DOCK2: variants seen among roughly 807,000 people sequenced by gnomAD.
DOCK2 encodes dedicator of cytokinesis protein 2.
A neutral mutation model predicts 248.9 loss-of-function variants in DOCK2; 87 were observed. The ratio of observed to expected loss-of-function variants is 0.35; its 90% confidence interval spans 0.29 to 0.42. The LOEUF (loss-of-function observed/expected upper bound fraction) is 0.42, where lower values mean the gene tolerates loss of function less well. DOCK2 is among the 10% of genes least tolerant of loss of function. DOCK2 has a pLI of 1.00. For synonymous variants in DOCK2, 805 were observed against 821.6 expected (o/e 0.98, Z 0.35); for missense variants, 1,747 against 2,300.2 (o/e 0.76, Z 4.92).
intron 5 of DOCK2, among the ~76,000 whole-genome samples, chr5:169,673,220 C>T (rs1759134456): frequency 6.6e-6 from 1 of 151,980 alleles, no homozygotes; most frequent in Admixed American, 6.6e-5. Context: ...ACCAGCCCCT[C>T]ATCCTGAAGC....
intron 22 of DOCK2, among the ~76,000 whole-genome samples, chr5:169,741,708 C>G (rs1409184395): frequency 2.0e-5 from 3 of 152,078 alleles, no homozygotes; most frequent in African/African-American, 7.2e-5. Context: ...TAGCGTCATC[C>G]CCTGGATAAC....
intron 21 of DOCK2, 115 bp downstream of exon 21, chr5:169,717,599 C>A: frequency 1.1e-6 from 1 of 900,102 alleles, no homozygotes; most frequent in Non-Finnish European, 1.8e-6. Flanking sequence ...GTGAGCTCTC[C>A]ATTCTCTAAC....
intron 26 of DOCK2, among the ~76,000 whole-genome samples, chr5:169,823,043 A>C (rs1768574734): frequency 6.6e-6 from 1 of 152,244 alleles, no homozygotes; most frequent in African/African-American, 2.4e-5. Flanking sequence ...ATTCCTCCAT[A>C]CATACACCCT....
chr5:170,064,672 G>A (rs1310866719), intron 44 of DOCK2, among the ~76,000 whole-genome samples: 2 of 145,370 alleles, frequency 1.4e-5, no homozygotes, highest in African/African-American at 5.3e-5. Context: ...AGAAGAGAGA[G>A]GGAGAAAGGA....
At chr5:169,829,537 A>G (rs1769092389) in intron 26 of DOCK2, among the ~76,000 whole-genome samples, 1 of 152,236 alleles carries the variant, frequency 6.6e-6, no homozygotes, top group South Asian at 2.1e-4. Context: ...CCATTTGTTC[A>G]TGTAGTTCAA....
intron 23 of DOCK2, among the ~76,000 whole-genome samples, chr5:169,750,661 G>C (rs1352533276): frequency 1.3e-5 from 2 of 152,180 alleles, no homozygotes; most frequent in Non-Finnish European, 2.9e-5. Flanking sequence ...TGTTCTCATA[G>C]ATTTCCACTC....
At chr5:169,847,329 T>A (rs1442777876) in intron 27 of DOCK2, among the ~76,000 whole-genome samples, 2 of 152,242 alleles carry the variant, frequency 1.3e-5, no homozygotes, top group African/African-American at 4.8e-5. Context: ...ATAAATGTTC[T>A]CTTTTCCCAA....
Position 170,045,926 on chromosome 5 carries a change from G to A in DOCK2, c.3966+21G>A, listed in dbSNP as rs750408637. 6 of 1,612,498 alleles carry A rather than the reference G, an allele frequency of 3.7e-6. No individual in the cohort carries two copies. In the African/African-American group the frequency reaches 5.3e-5, roughly 14 times the overall value. ...ACCTGGTAAGGCATCCCCTGGGAAG[G>A]CTGAATGCCCTGCAGGCTGGGTGCT... On this transcript the variant is annotated intron_variant, in intron 39 of 51. Transcript: ENST00000520908.
intron 27 of DOCK2, among the ~76,000 whole-genome samples, chr5:169,860,969 GA>G (rs1771161732): frequency 2.0e-5 from 3 of 152,002 alleles, no homozygotes; most frequent in African/African-American, 2.4e-5. Context: ...GCCTTTTAAG[GA>G]AAAAAATTAA....
At chr5:169,738,141 T>C (rs952050411) in intron 22 of DOCK2, among the ~76,000 whole-genome samples, 1 of 152,190 alleles carries the variant, frequency 6.6e-6, no homozygotes, top group African/African-American at 2.4e-5. Context: ...CTCGCACATT[T>C]GTTACAGATG....
In DOCK2 at chr5:169,742,945, G is replaced by A. The variant is rs1763401195; in HGVS notation, c.2268-4451G>A. The stretch of plus-strand genomic sequence containing the variant: ...TTTTCCTTGTGGTCAGGGCCTTAGG[G>A]CCCTTCAATAATTTGTTCCCTGGCA... On this transcript the variant is annotated intron_variant, in intron 22 of 51. Coordinates refer to ENST00000520908, the MANE Select transcript of DOCK2 (RefSeq NM_004946.3). Among the ~76,000 whole-genome samples, 3 of 152,308 alleles carry A rather than the reference G, an allele frequency of 2.0e-5. No homozygotes were observed. The South Asian group carries it at 6.2e-4, about 32-fold the overall frequency.
intron 46 of DOCK2, among the ~76,000 whole-genome samples, chr5:170,073,389 A>G (rs900498986): frequency 6.6e-6 from 1 of 152,072 alleles, no homozygotes; most frequent in African/African-American, 2.4e-5. Context: ...GTGTACCCCA[A>G]TTGTTGCTTT....
Position 169,654,500 on chromosome 5 carries a change from C to T in DOCK2, c.127+14C>T, listed in dbSNP as rs1232247316. Reference sequence around the variant, plus strand: ...AGACGTGTGGAGGTGAGTCACTGGCCCACGCCCCAAGTGCTGGACCCTTGG... The same window carrying T: ...AGACGTGTGGAGGTGAGTCACTGGCTCACGCCCCAAGTGCTGGACCCTTGG... On this transcript the variant is annotated intron_variant, in intron 2 of 51. Coordinates refer to ENST00000520908, the MANE Select transcript of DOCK2 (RefSeq NM_004946.3). 6.2e-7 allele frequency: 1 copy of T among 1,613,936 alleles called. No homozygotes were observed. Among genetic ancestry groups the T allele is most frequent in the Non-Finnish European group, 8.5e-7 (1 of 1,179,972 alleles).
At chr5:169,714,519 G>T in intron 19 of DOCK2, 62 bp downstream of exon 19, 1 of 1,578,872 alleles carries the variant, frequency 6.3e-7, no homozygotes, top group Non-Finnish European at 8.7e-7. Flanking sequence ...CATGTGGGTG[G>T]CTTCAGGGGA....
At chr5:169,945,462 T>C (rs913817308) in intron 27 of DOCK2, among the ~76,000 whole-genome samples, 3 of 152,276 alleles carry the variant, frequency 2.0e-5, no homozygotes, top group African/African-American at 7.2e-5. Context: ...AATTGAGCTG[T>C]TACTTCGTGC....
At chr5:169,683,364 G>T (rs1759773095) in intron 7 of DOCK2, among the ~76,000 whole-genome samples, 1 of 151,568 alleles carries the variant, frequency 6.6e-6, no homozygotes, top group African/African-American at 2.4e-5. Flanking sequence ...CAAGTAGCTG[G>T]GATCACAGGT....
At chr5:169,749,595 G>A (rs1179073599) in intron 23 of DOCK2, among the ~76,000 whole-genome samples, 1 of 152,156 alleles carries the variant, frequency 6.6e-6, no homozygotes, top group Non-Finnish European at 1.5e-5. Flanking sequence ...TCAGACAGTT[G>A]AAACAGCTTC....
chr5:169,646,691 A>G (rs996386328), intron 1 of DOCK2, among the ~76,000 whole-genome samples: 4 of 152,246 alleles, frequency 2.6e-5, no homozygotes, highest in African/African-American at 9.6e-5. Context: ...ACTTCTTCCC[A>G]TTAAAATATG....
chr5:169,665,473 TACAC>T (rs973020551), intron 2 of DOCK2, among the ~76,000 whole-genome samples: 1 of 141,800 alleles, frequency 7.1e-6, no homozygotes, highest in East Asian at 2.0e-4. Flanking sequence ...TATATGTATA[TACAC>T]ACACATATGT....
Sources: allele counts gnomAD v4.1 joint callset (sites outside exome capture counted in the v4.1 genomes callset), GRCh38; gene constraint gnomAD v4.1.1; transcripts MANE v1.5; gene names NCBI Gene and HGNC (gene_info 2026-07-23, HGNC 2026-07-21).